The following ERICH1 variants were observed in gnomAD, a reference collection of about 807,000 sequenced individuals.
ERICH1 encodes the protein glutamate-rich protein 1.
ERICH1 carries 56 observed loss-of-function variants against 39.6 expected under a neutral mutation model. That is an observed-to-expected ratio of 1.41 (90% CI 1.14 to 1.77). ERICH1 has a LOEUF of 1.77. Among genes scored for constraint, ERICH1 ranks in the 40% most tolerant of loss-of-function variants. The pLI is 0.00. For synonymous variants in ERICH1, 313 were observed against 223.6 expected (o/e 1.40, Z -3.57); for missense variants, 826 against 575.4 (o/e 1.44, Z -4.45).
chr8:726,367 C>T (rs535602944), intron 1 of ERICH1, among the ~76,000 whole-genome samples: 95 of 152,038 alleles, frequency 6.2e-4, no homozygotes, highest in Non-Finnish European at 9.1e-4. Context: ...CATACACAGG[C>T]GCACATGCAT....
intron 3 of ERICH1, chr8:656,696 T>C (rs1669733): frequency 0.91 from 874,170 of 964,732 alleles, 396,369 homozygotes; most frequent in African/African-American, 0.97. Flanking sequence ...GACATCCCCA[T>C]TCACGCTGTG....
intron 2 of ERICH1, among the ~76,000 whole-genome samples, chr8:703,972 G>A (rs1411220341): frequency 6.6e-6 from 1 of 152,142 alleles, no homozygotes; most frequent in Non-Finnish European, 1.5e-5. Flanking sequence ...GCACCCACAT[G>A]AAGGCCAGAA....
At chr8:713,468 G>T (rs1408172846) in intron 2 of ERICH1, among the ~76,000 whole-genome samples, 1 of 152,156 alleles carries the variant, frequency 6.6e-6, no homozygotes, top group Non-Finnish European at 1.5e-5. Flanking sequence ...ACACGGATTT[G>T]TCCCATGGGA....
intron 3 of ERICH1, among the ~76,000 whole-genome samples, chr8:628,544 G>T (rs1797729376): frequency 1.3e-5 from 2 of 152,236 alleles, no homozygotes; most frequent in Admixed American, 1.3e-4. Flanking sequence ...CAAGGGGCTG[G>T]GAGGGGCATG....
At chr8:683,581 C>T (rs935647966) in intron 3 of ERICH1, among the ~76,000 whole-genome samples, 4 of 152,206 alleles carry the variant, frequency 2.6e-5, no homozygotes, top group Admixed American at 2.6e-4. Context: ...AGCCTTGGAG[C>T]TGGAAATGTG....
intron 1 of ERICH1, among the ~76,000 whole-genome samples, chr8:722,312 A>G (rs544685029): frequency 2.1e-4 from 32 of 152,226 alleles, no homozygotes; most frequent in Admixed American, 1.2e-3. Context: ...ACAACAACAA[A>G]AGGCCAAGGC....
intron 2 of ERICH1, among the ~76,000 whole-genome samples, chr8:699,928 G>GGCGCACAGACCCACACAC (rs1354771820): frequency 1.5e-5 from 1 of 67,706 alleles, no homozygotes; most frequent in Non-Finnish European, 3.1e-5. Flanking sequence ...GGCCCGCACA[G>GGCGCACAGACCCACACAC]GCGCACAGAC....
chr8:723,975 C>T (rs898857006), intron 1 of ERICH1, among the ~76,000 whole-genome samples: 1 of 152,000 alleles, frequency 6.6e-6, no homozygotes, highest in Non-Finnish European at 1.5e-5. Flanking sequence ...TGAGGAGTTT[C>T]GTAACAGAAT....
Position 699,769 on chromosome 8 carries a change from GCA to G in ERICH1, c.170-7159_170-7158del, listed in dbSNP as rs1811309003. Among the ~76,000 whole-genome samples the G allele has an allele frequency of 3.1e-5, 3 of 95,546 alleles. No individual in the cohort carries two copies. The South Asian group carries it at 1.0e-3, about 33-fold the overall frequency. The allele number at this position is 95,546 out of a possible 152,430, so 62.7% of individuals were successfully genotyped here. On this transcript the variant is annotated intron_variant, in intron 2 of 5. Coordinates refer to ENST00000262109, the MANE Select transcript of ERICH1 (RefSeq NM_207332.3). ...CGCACACGTGCACACTCACACAGCC[GCA>G]CAGACCCGCACACGCGCACAGACCC... is the stretch of plus-strand genomic sequence containing the variant.
At chr8:710,175 T>C (rs935633821) in intron 2 of ERICH1, among the ~76,000 whole-genome samples, 7 of 152,162 alleles carry the variant, frequency 4.6e-5, no homozygotes, top group African/African-American at 1.4e-4. Flanking sequence ...CTCTCGTACA[T>C]CCTGTGAGTT....
At chr8:655,296 T>A (rs1800489218) in intron 3 of ERICH1, among the ~76,000 whole-genome samples, 1 of 152,316 alleles carries the variant, frequency 6.6e-6, no homozygotes, top group South Asian at 2.1e-4. Context: ...TCAGACGCCC[T>A]CATGCCACAG....
intron 3 of ERICH1, among the ~76,000 whole-genome samples, chr8:686,916 T>C (rs1341962191): frequency 6.7e-6 from 1 of 150,220 alleles, no homozygotes; most frequent in Non-Finnish European, 1.5e-5. Flanking sequence ...GTCAGGCCCT[T>C]GAGAGGGTGA....
At chr8:721,906 G>A (rs999101678) in intron 1 of ERICH1, among the ~76,000 whole-genome samples, 6 of 152,192 alleles carry the variant, frequency 3.9e-5, no homozygotes, top group African/African-American at 1.2e-4. Context: ...CAAAAATCAA[G>A]TTAGAGGTTA....
chr8:728,582 G>C (rs968667212), intron 1 of ERICH1, among the ~76,000 whole-genome samples: 1 of 152,180 alleles, frequency 6.6e-6, no homozygotes, highest in African/African-American at 2.4e-5. Flanking sequence ...ACCTGAGCTA[G>C]CACTTAATTA....
intron 3 of ERICH1, among the ~76,000 whole-genome samples, chr8:643,993 C>CT (rs1799314955): frequency 6.6e-6 from 1 of 152,238 alleles, no homozygotes; most frequent in South Asian, 2.1e-4. Flanking sequence ...GGGGGCGGCT[C>CT]TGCAGGAGCA....
At chr8:630,067 C>T (rs1447476704) in intron 3 of ERICH1, among the ~76,000 whole-genome samples, 1 of 138,400 alleles carries the variant, frequency 7.2e-6, no homozygotes, top group Non-Finnish European at 1.6e-5. Context: ...CTGACTCACA[C>T]CCTCCTGTGA....
chr8:689,747 G>T (rs561880471), intron 3 of ERICH1, among the ~76,000 whole-genome samples: 1 of 152,258 alleles, frequency 6.6e-6, no homozygotes, highest in Admixed American at 6.5e-5. Context: ...GGTCAGCTGG[G>T]TCCAGAGTCC....
intron 3 of ERICH1, among the ~76,000 whole-genome samples, chr8:691,603 A>G (rs1808934012): frequency 6.6e-6 from 1 of 152,262 alleles, no homozygotes; most frequent in South Asian, 2.1e-4. Flanking sequence ...TTCTAGTTAA[A>G]TAATCTATCT....
chr8:710,825 C>T (rs1814564997), intron 2 of ERICH1, among the ~76,000 whole-genome samples: 1 of 152,206 alleles, frequency 6.6e-6, no homozygotes, highest in African/African-American at 2.4e-5. Flanking sequence ...ATGAATAAAG[C>T]TGCTATAAAC....
Sources: allele counts gnomAD v4.1 joint callset (sites outside exome capture counted in the v4.1 genomes callset), GRCh38; gene constraint gnomAD v4.1.1; transcripts MANE v1.5; gene names NCBI Gene and HGNC (gene_info 2026-07-23, HGNC 2026-07-21).